ADGRA3: variants seen among roughly 807,000 people sequenced by gnomAD.
ADGRA3 encodes G-protein coupled receptor 125.
A neutral mutation model predicts 119.8 loss-of-function variants in ADGRA3; 56 were observed. The ratio of observed to expected loss-of-function variants is 0.47; its 90% CI spans 0.38 to 0.58. The LOEUF (loss-of-function observed/expected upper bound fraction) is 0.58. Among genes scored for constraint, ADGRA3 ranks in the 20% least tolerant of loss-of-function variants. The probability of loss-of-function intolerance (pLI) is 0.00; values close to 1 mark genes in which losing one functional copy is unlikely to be tolerated. For synonymous variants in ADGRA3, 607 were observed against 623.8 expected, an observed-to-expected ratio of 0.97 and a Z score of 0.40; for missense variants, 1,516 against 1,649.0, an observed-to-expected ratio of 0.92 and a Z score of 1.40.
At chr4:22,515,505 C>A in intron 1 of ADGRA3, 23 bp downstream of exon 1, 1 of 1,599,768 alleles carries the variant, frequency 6.3e-7, no homozygotes, top group Admixed American at 1.7e-5. Flanking sequence ...GGGAGAGGAC[C>A]CAGCGTCGCG....
At chr4:22,465,961 G>C in intron 2 of ADGRA3, among the ~76,000 whole-genome samples, 1 of 152,020 alleles carries the variant, frequency 6.6e-6, no homozygotes, top group East Asian at 1.9e-4. Flanking sequence ...CAAAGTCACT[G>C]CCTCTCTGTC....
Position 22,414,093 on chromosome 4 carries a change from T to C in ADGRA3, c.1810-279A>G, listed in dbSNP as rs1715334497. The stretch of plus-strand genomic sequence containing the variant: ...ATTAACAAAGTTAATTTTCCCATGA[T>C]ATTATATGTTGAAGTAGATAGCATT... On this transcript the variant is annotated intron_variant, in intron 12 of 18. Transcript: ENST00000334304. 1.7e-5 allele frequency: 5 copies of C among 297,440 alleles called. No homozygotes were observed. In the South Asian group the frequency reaches 2.3e-4, roughly 13 times the overall value. 18.4% of individuals were successfully genotyped at this position (297,440 alleles called of 1,614,324 possible).
chr4:22,485,538 G>A (rs149826857), intron 1 of ADGRA3, among the ~76,000 whole-genome samples: 16 of 152,122 alleles, frequency 1.1e-4, no homozygotes, highest in Admixed American at 2.0e-4. Flanking sequence ...GACTGGTTTG[G>A]TGGCCTCTCA....
At chr4:22,501,286 T>C (rs1426935061) in intron 1 of ADGRA3, among the ~76,000 whole-genome samples, 1 of 152,150 alleles carries the variant, frequency 6.6e-6, no homozygotes, top group Non-Finnish European at 1.5e-5. Context: ...GAAATTAATT[T>C]CATGAGAAGG....
intron 3 of ADGRA3, among the ~76,000 whole-genome samples, chr4:22,456,195 T>C (rs1383834840): frequency 2.0e-5 from 3 of 152,218 alleles, no homozygotes; most frequent in African/African-American, 7.2e-5. Flanking sequence ...TTTTTTTTCC[T>C]TGACTATTTC....
At chr4:22,458,952 C>G (rs924953320) in intron 3 of ADGRA3, among the ~76,000 whole-genome samples, 3 of 152,096 alleles carry the variant, frequency 2.0e-5, no homozygotes, top group African/African-American at 7.2e-5. Flanking sequence ...CCACTCACCC[C>G]CAGCAAAAAC....
intron 12 of ADGRA3, chr4:22,420,668 T>C (rs1036007301): frequency 3.4e-5 from 19 of 565,866 alleles, no homozygotes; most frequent in Non-Finnish European, 4.7e-5. Flanking sequence ...GATATTTTTA[T>C]GTGAAGAAAG....
At chr4:22,503,547 G>A (rs971801945) in intron 1 of ADGRA3, among the ~76,000 whole-genome samples, 2 of 152,132 alleles carry the variant, frequency 1.3e-5, no homozygotes, top group Non-Finnish European at 2.9e-5. Flanking sequence ...GGCACAACCT[G>A]CTTTCTACTA....
intron 1 of ADGRA3, among the ~76,000 whole-genome samples, chr4:22,484,376 G>A (rs569305949): frequency 1.3e-5 from 2 of 152,044 alleles, no homozygotes; most frequent in East Asian, 1.9e-4. Context: ...AGGCCAAGGC[G>A]GGTGGATCAC....
At chr4:22,433,612 C>T (rs1328945654) in intron 10 of ADGRA3, among the ~76,000 whole-genome samples, 2 of 152,168 alleles carry the variant, frequency 1.3e-5, no homozygotes, top group East Asian at 1.9e-4. Flanking sequence ...CTGGACACCA[C>T]GTTGCTCAAG....
intron 1 of ADGRA3, among the ~76,000 whole-genome samples, chr4:22,488,216 T>C (rs1410240451): frequency 1.3e-5 from 2 of 152,178 alleles, no homozygotes; most frequent in Non-Finnish European, 2.9e-5. Flanking sequence ...CTTTCACATG[T>C]ATAGGGTTGT....
intron 1 of ADGRA3, 185 bp downstream of exon 1, chr4:22,515,343 C>T (rs915929540): frequency 3.4e-6 from 2 of 587,658 alleles, no homozygotes; most frequent in African/African-American, 3.9e-5. Flanking sequence ...AGCTCGGACG[C>T]AGATTCCCTT....
intron 1 of ADGRA3, among the ~76,000 whole-genome samples, chr4:22,482,317 G>A (rs1718282400): frequency 6.6e-6 from 1 of 152,090 alleles, no homozygotes; most frequent in Admixed American, 6.5e-5. Flanking sequence ...GAATATCTGA[G>A]TGATCATATT....
rs551774907 is a variant in ADGRA3 at position 22,427,487 on chromosome 4, A to G, written c.1444-3135T>C. 3.9e-5 allele frequency among the ~76,000 whole-genome samples: 6 copies of G among 152,268 alleles called. No homozygotes were observed. In the East Asian group the frequency reaches 9.7e-4, roughly 25 times the overall value. Reference sequence around the variant, plus strand: ...AAAAAAAAAAACAACAAATATCTCTAAGAAGGTACAGGACGAACAACAGTA... The same window carrying G: ...AAAAAAAAAAACAACAAATATCTCTGAGAAGGTACAGGACGAACAACAGTA... On this transcript the variant is annotated intron_variant, in intron 10 of 18. Coordinates refer to ENST00000334304, the MANE Select transcript of ADGRA3 (RefSeq NM_145290.4).
rs1208009143 is a variant in ADGRA3 at position 22,392,666 on chromosome 4, T to C, written c.2506A>G (p.Thr836Ala). The C allele has an allele frequency of 4.3e-6, 7 of 1,613,114 alleles. No homozygotes were observed. The highest frequency in any genetic ancestry group is 5.9e-6 in the Non-Finnish European group (7 of 1,179,676). Reference protein sequence around the residue: ...QAVGIILHYSTLATVLWVGVT... With the variant: ...QAVGIILHYSALATVLWVGVT... ...CCTACCCATAGTACTGTGGCAAGGG[T>C]GGAATAGTGAAGAATTATCCCAACC... is the stretch of plus-strand genomic sequence containing the variant. The change falls in exon 17 of 19, where the codon ACC becomes GCC. Residue 836 changes from threonine to alanine, a missense_variant. Transcript: ENST00000334304.
At chr4:22,480,890 T>C (rs1327873995) in intron 1 of ADGRA3, among the ~76,000 whole-genome samples, 2 of 152,114 alleles carry the variant, frequency 1.3e-5, no homozygotes, top group Non-Finnish European at 2.9e-5. Context: ...TATTTAAAAT[T>C]TCCACTCTTT....
intron 1 of ADGRA3, among the ~76,000 whole-genome samples, chr4:22,485,014 C>T (rs1000954133): frequency 1.3e-5 from 2 of 152,116 alleles, no homozygotes; most frequent in Non-Finnish European, 2.9e-5. Context: ...CTTAATTTTC[C>T]AGAAGACTAA....
intron 4 of ADGRA3, among the ~76,000 whole-genome samples, chr4:22,451,969 A>G (rs1409944847): frequency 6.6e-6 from 1 of 152,146 alleles, no homozygotes; most frequent in Admixed American, 6.5e-5. Context: ...ATCCTTCACA[A>G]CTGGCATATG....
rs549607218 is a variant in ADGRA3 at position 22,500,513 on chromosome 4, G to C, written c.257+15015C>G. On this transcript the variant is annotated intron_variant, in intron 1 of 18. Coordinates refer to ENST00000334304, the MANE Select transcript of ADGRA3 (RefSeq NM_145290.4). ...GGACACTTGCAACACGGTTCTGAAA[G>C]TCAAAGAGCTCTACAGACACCTGAA... 2.6e-5 allele frequency among the ~76,000 whole-genome samples: 3 copies of C among 116,838 alleles called. No homozygotes were observed. In the East Asian group the frequency reaches 1.3e-3, roughly 51 times the overall value. 76.7% of individuals were successfully genotyped at this position (116,838 alleles called of 152,430 possible). A position where few individuals can be genotyped will look rare whatever the true frequency, so the allele number is the denominator to read the frequency against.
Sources: gnomAD v4.1 joint callset for allele counts (sites outside exome capture counted in the v4.1 genomes callset) on GRCh38, gnomAD v4.1.1 for gene constraint, MANE v1.5 for transcripts, NCBI Gene and HGNC (gene_info 2026-07-23, HGNC 2026-07-21) for gene names.